The following CSMD3 variants were observed in gnomAD, a reference collection of about 807,000 sequenced individuals.
The protein encoded by CSMD3 is CUB and sushi domain-containing protein 3.
In CSMD3, 177 loss-of-function variants were observed where a neutral mutation model predicts 435.2. That is an observed-to-expected ratio of 0.41 (90% CI 0.36 to 0.46). CSMD3 has a LOEUF of 0.46. Among genes scored for constraint, CSMD3 ranks in the 20% least tolerant of loss-of-function variants. CSMD3 has a pLI of 0.34. For synonymous variants in CSMD3, 1,656 were observed against 1,520.5 expected, an observed-to-expected ratio of 1.09 and a Z score of -2.07; for missense variants, 4,265 against 4,504.6, an observed-to-expected ratio of 0.95 and a Z score of 1.52.
chr8:112,617,130 T>C (rs1833720852), intron 22 of CSMD3, among the ~76,000 whole-genome samples: 1 of 152,194 alleles, frequency 6.6e-6, no homozygotes, highest in African/African-American at 2.4e-5. Context: ...GCTGTTTCTC[T>C]ATAGGCTTAT....
chr8:112,251,179 A>G (rs1815223921), intron 63 of CSMD3, among the ~76,000 whole-genome samples: 1 of 151,780 alleles, frequency 6.6e-6, no homozygotes, highest in South Asian at 2.1e-4. Context: ...AAATTTATTT[A>G]TTATTAAGGT....
chr8:112,552,518 G>T, intron 26 of CSMD3, 76 bp downstream of exon 26: 7 of 1,364,856 alleles, frequency 5.1e-6, no homozygotes, highest in Non-Finnish European at 5.1e-6. Flanking sequence ...TGAAATAAAT[G>T]GATATTAATT....
chr8:112,233,921 A>G (rs536387656), intron 68 of CSMD3, among the ~76,000 whole-genome samples: 59 of 152,312 alleles, frequency 3.9e-4, no homozygotes, highest in Non-Finnish European at 7.1e-4. Context: ...ATATAATGGG[A>G]GTATTTAATT....
chr8:112,704,486 A>G (rs1485177414), intron 13 of CSMD3, among the ~76,000 whole-genome samples: 9 of 152,134 alleles, frequency 5.9e-5, no homozygotes, highest in Admixed American at 5.9e-4. Context: ...ACCTGCACGA[A>G]ATGTCTGTGG....
At chr8:113,254,321 G>C (rs542622335) in intron 3 of CSMD3, among the ~76,000 whole-genome samples, 1 of 152,318 alleles carries the variant, frequency 6.6e-6, no homozygotes, top group Admixed American at 6.5e-5. Context: ...CTGGAAGCGT[G>C]CATGATTGAA....
chr8:112,446,620 T>TG (rs1423643940), intron 32 of CSMD3, among the ~76,000 whole-genome samples: 2 of 152,238 alleles, frequency 1.3e-5, no homozygotes, highest in African/African-American at 2.4e-5. Flanking sequence ...ATAGGTTTGC[T>TG]GATTTTTGTA....
chr8:112,274,322 T>G (rs1371755829), intron 59 of CSMD3, among the ~76,000 whole-genome samples: 3 of 152,202 alleles, frequency 2.0e-5, no homozygotes, highest in Admixed American at 6.5e-5. Flanking sequence ...AATCCCCTGA[T>G]TGCCTCATCT....
chr8:113,345,213 C>T (rs541467939), intron 1 of CSMD3, among the ~76,000 whole-genome samples: 127 of 152,192 alleles, frequency 8.3e-4, no homozygotes, highest in African/African-American at 3.0e-3. Flanking sequence ...ACCCAACCTA[C>T]TTTAATATTA....
In CSMD3 at chr8:112,735,493, G is replaced by A. The variant is rs565053170; in HGVS notation, c.1973-45443C>T. ...ATCTCTCAGATACCCAGTTATCTTA[G>A]TTTTATTTGACAAACTTATAATTTT... On this transcript the variant is annotated intron_variant, in intron 13 of 70. Transcript: ENST00000297405. Among the ~76,000 whole-genome samples the A allele has an allele frequency of 2.0e-5, 3 of 152,116 alleles. No homozygotes were observed. In the South Asian group the frequency reaches 6.2e-4, roughly 32 times the overall value.
chr8:113,360,946 A>G (rs977126835), intron 1 of CSMD3, among the ~76,000 whole-genome samples: 2 of 152,214 alleles, frequency 1.3e-5, no homozygotes, highest in African/African-American at 4.8e-5. Context: ...GGAAACATTT[A>G]TAAGTATTCA....
chr8:112,544,997 G>C (rs1827017667), intron 27 of CSMD3, among the ~76,000 whole-genome samples: 1 of 152,044 alleles, frequency 6.6e-6, no homozygotes, highest in African/African-American at 2.4e-5. Flanking sequence ...GAGTATTCAG[G>C]CTATATTTTG....
At chr8:112,390,457 AT>A (rs956206946) in intron 36 of CSMD3, among the ~76,000 whole-genome samples, 33 of 152,024 alleles carry the variant, frequency 2.2e-4, no homozygotes, top group South Asian at 1.0e-3. Context: ...GGGTTAACAC[AT>A]TTTTTTTGTA....
intron 32 of CSMD3, among the ~76,000 whole-genome samples, chr8:112,450,458 A>T (rs1333754246): frequency 1.3e-5 from 2 of 152,200 alleles, no homozygotes; most frequent in Non-Finnish European, 2.9e-5. Flanking sequence ...TTGCTTGCTA[A>T]AATTAGTATT....
intron 34 of CSMD3, among the ~76,000 whole-genome samples, chr8:112,407,984 T>G (rs1050120722): frequency 6.6e-6 from 1 of 151,976 alleles, no homozygotes; most frequent in African/African-American, 2.4e-5. Context: ...TTTCGAGTGC[T>G]AAACTAAATT....
At chr8:113,030,893 G>A (rs536210469) in intron 5 of CSMD3, among the ~76,000 whole-genome samples, 1 of 151,398 alleles carries the variant, frequency 6.6e-6, no homozygotes. Context: ...TTTACAGATG[G>A]CAAATAGTTA....
At chr8:112,806,027 A>G (rs2132356988) in intron 12 of CSMD3, among the ~76,000 whole-genome samples, 1 of 152,296 alleles carries the variant, frequency 6.6e-6, no homozygotes, top group African/African-American at 2.4e-5. Flanking sequence ...AAACTGAGAT[A>G]AAATATTTAG....
chr8:113,061,883 CT>C (rs1193627768), intron 5 of CSMD3, among the ~76,000 whole-genome samples: 5 of 151,690 alleles, frequency 3.3e-5, no homozygotes, highest in Non-Finnish European at 7.4e-5. Context: ...GACTCAAGAA[CT>C]TTTCTTTAAA....
At chr8:112,376,400 G>C (rs189197805) in intron 38 of CSMD3, among the ~76,000 whole-genome samples, 6 of 152,234 alleles carry the variant, frequency 3.9e-5, no homozygotes, top group African/African-American at 1.2e-4. Context: ...TACATTTATT[G>C]TATCTGAAGT....
At chr8:112,679,888 AG>A (rs1483253821) in intron 16 of CSMD3, among the ~76,000 whole-genome samples, 1 of 152,202 alleles carries the variant, frequency 6.6e-6, no homozygotes, top group Non-Finnish European at 1.5e-5. Context: ...GTTTAGCCAC[AG>A]GGTAACTTTG....
Sources: gnomAD v4.1 joint callset for allele counts (sites outside exome capture counted in the v4.1 genomes callset) on GRCh38, gnomAD v4.1.1 for gene constraint, MANE v1.5 for transcripts, NCBI Gene and HGNC (gene_info 2026-07-23, HGNC 2026-07-21) for gene names.